The following SLC5A12 variants were observed in gnomAD, a reference collection of about 807,000 sequenced individuals.
SLC5A12 encodes the protein sodium-coupled monocarboxylate transporter 2.
SLC5A12 carries 46 observed loss-of-function variants against 72.7 expected under a neutral mutation model. That is an observed-to-expected ratio of 0.63 (90% CI 0.50 to 0.81). SLC5A12 has a LOEUF of 0.81. Ranked by LOEUF, SLC5A12 falls within the 30% of genes least tolerant of loss-of-function variation. The pLI is 0.00. For missense variants in SLC5A12, 683 were observed against 740.7 expected, an observed-to-expected ratio of 0.92 and a Z score of 0.90; for synonymous variants, 275 against 264.4, an observed-to-expected ratio of 1.04 and a Z score of -0.39.
chr11:26,683,991 T>C (rs372152615), intron 10 of SLC5A12, 148 bp from the exon 11 acceptor site: 10 of 606,970 alleles, frequency 1.6e-5, no homozygotes, highest in East Asian at 8.7e-5. Flanking sequence ...AAGTCATTTC[T>C]CAATTCTGGG....
intron 4 of SLC5A12, 122 bp downstream of exon 4, chr11:26,709,190 C>A (rs1855161663): frequency 1.1e-5 from 7 of 628,500 alleles, no homozygotes; most frequent in Non-Finnish European, 1.6e-5. Flanking sequence ...GATAAGCCGA[C>A]ATACTTCTGC....
At position 26,670,970 on chromosome 11, in the gene SLC5A12, A is replaced by G; in HGVS notation, c.*132T>C. ...CATGTAGTTATAAATAAGTAGAAAT[A>G]GGCACCAGACATCCCTGTCTTCTAG... On this transcript the variant is annotated 3_prime_UTR_variant, in exon 15 of 15. Transcript: ENST00000396005. The G allele has an allele frequency of 7.0e-6, 5 of 716,838 alleles. No individual in the cohort carries two copies. Among genetic ancestry groups the G allele is most frequent in the Non-Finnish European group, 6.4e-6 (3 of 465,954 alleles). 44.4% of individuals were successfully genotyped at this position (716,838 alleles called of 1,614,324 possible). A position where few individuals can be genotyped will look rare whatever the true frequency, so the allele number is the denominator to read the frequency against.
At chr11:26,705,875 G>T (rs909978000) in intron 4 of SLC5A12, among the ~76,000 whole-genome samples, 1 of 150,182 alleles carries the variant, frequency 6.7e-6, no homozygotes, top group Admixed American at 6.7e-5. Context: ...CCACCATGAA[G>T]ACCTGTCTGA....
chr11:26,693,520 T>C (rs1455290363), intron 8 of SLC5A12, among the ~76,000 whole-genome samples: 1 of 152,176 alleles, frequency 6.6e-6, no homozygotes, highest in Non-Finnish European at 1.5e-5. Context: ...ACCTGAACGT[T>C]GGGGTTTTCT....
At chr11:26,698,144 C>T (rs1047615967) in intron 7 of SLC5A12, among the ~76,000 whole-genome samples, 35 of 151,890 alleles carry the variant, frequency 2.3e-4, no homozygotes, top group Non-Finnish European at 1.9e-4. Context: ...GTGATCTGCC[C>T]GCCTCGGCCT....
chr11:26,703,558 G>A lies in SLC5A12; in HGVS notation c.794C>T (p.Ser265Phe). The change falls in exon 6 of 15, where the codon TCT (serine) becomes TTT (phenylalanine). Residue 265 changes from serine (S) to phenylalanine (F), a missense_variant. Ser to Phe is a radical substitution (Grantham distance 155). Transcript: ENST00000396005. Reference protein sequence around the residue: ...VNQSTIQRCISCKTEKHAKLA... With the variant: ...VNQSTIQRCIFCKTEKHAKLA... ...CTTAGCATGCTTTTCTGTTTTGCAA[G>A]AGATGCATCGCTGAATAGTTGATTG... 1 of 1,613,794 alleles carries A rather than the reference G, an allele frequency of 6.2e-7. No homozygotes were observed. The highest frequency in any genetic ancestry group is 8.5e-7 in the Non-Finnish European group (1 of 1,179,922).
At chr11:26,683,886 C>T in intron 10 of SLC5A12, 43 bp from the exon 11 acceptor site, 3 of 1,484,320 alleles carry the variant, frequency 2.0e-6, no homozygotes, top group Non-Finnish European at 2.8e-6. Flanking sequence ...TACTCAAGGG[C>T]ATCTGTGACT....
intron 12 of SLC5A12, among the ~76,000 whole-genome samples, chr11:26,680,309 ATATATATG>A (rs1167108720): frequency 8.1e-6 from 1 of 123,318 alleles, no homozygotes; most frequent in African/African-American, 3.6e-5. Flanking sequence ...ATATTCATAT[ATATATATG>A]TATATATATT....
intron 1 of SLC5A12, among the ~76,000 whole-genome samples, chr11:26,720,479 C>A (rs1855453875): frequency 6.6e-6 from 1 of 151,826 alleles, no homozygotes; most frequent in African/African-American, 2.4e-5. Flanking sequence ...ATCAATAACA[C>A]TTTTTAAGAC....
At chr11:26,717,275 TGAAGA>T (rs1188411971) in intron 1 of SLC5A12, among the ~76,000 whole-genome samples, 1 of 151,920 alleles carries the variant, frequency 6.6e-6, no homozygotes, top group African/African-American at 2.4e-5. Flanking sequence ...AATTTGAAAT[TGAAGA>T]GAAGTAAGTA....
At chr11:26,702,584 T>C (rs753682925) in intron 6 of SLC5A12, among the ~76,000 whole-genome samples, 45 of 152,108 alleles carry the variant, frequency 3.0e-4, no homozygotes, top group Non-Finnish European at 6.2e-4. Context: ...TGAAAGTGTA[T>C]ATAACTTTGG....
chr11:26,694,787 C>A (rs1854770090), intron 8 of SLC5A12, among the ~76,000 whole-genome samples: 1 of 152,124 alleles, frequency 6.6e-6, no homozygotes, highest in Non-Finnish European at 1.5e-5. Context: ...AGATAAACAT[C>A]TTTTCTAAAA....
intron 10 of SLC5A12, among the ~76,000 whole-genome samples, chr11:26,684,078 C>T (rs1854472344): frequency 6.6e-6 from 1 of 151,498 alleles, no homozygotes; most frequent in African/African-American, 2.4e-5. Context: ...GGCAGGTAAC[C>T]TGAATTTAGT....
At chr11:26,671,611 G>C (rs949331577) in intron 14 of SLC5A12, among the ~76,000 whole-genome samples, 1 of 151,996 alleles carries the variant, frequency 6.6e-6, no homozygotes, top group African/African-American at 2.4e-5. Flanking sequence ...TCCTACCTGG[G>C]AATAGGAGAG....
intron 1 of SLC5A12, among the ~76,000 whole-genome samples, chr11:26,713,078 G>A (rs1485775146): frequency 1.3e-5 from 2 of 152,008 alleles, no homozygotes; most frequent in African/African-American, 4.8e-5. Context: ...CTGGATTGCT[G>A]TTGTGGCACC....
At chr11:26,678,581 T>C in intron 13 of SLC5A12, 131 bp downstream of exon 13, 1 of 660,352 alleles carries the variant, frequency 1.5e-6, no homozygotes, top group Non-Finnish European at 2.7e-6. Context: ...GTTGAGAGAG[T>C]AGACATCTCT....
At position 26,671,059 on chromosome 11, in the gene SLC5A12, G is replaced by GTGTGTGTGTGTT; in HGVS notation, c.*42_*43insAACACACACACA. On this transcript the variant is annotated 3_prime_UTR_variant, in exon 15 of 15. Transcript: ENST00000396005. ...AAGTATGTGGAGTTTGTGTGTGTGT[G>GTGTGTGTGTGTT]TGTGTATTGCACGTGTGTGTGTGCA... is the stretch of plus-strand genomic sequence containing the variant. The GTGTGTGTGTGTT allele has an allele frequency of 6.4e-7, 1 of 1,553,672 alleles. No homozygotes were observed. The highest frequency in any genetic ancestry group is 8.8e-7 in the Non-Finnish European group (1 of 1,139,090).
chr11:26,669,189 T>TC lies in SLC5A12; in HGVS notation c.*1912_*1913insG. On this transcript the variant is annotated 3_prime_UTR_variant, in exon 15 of 15. Coordinates refer to ENST00000396005, the MANE Select transcript of SLC5A12 (RefSeq NM_178498.4). ...TCTTTTTCTTTCTTTCTTTCTTCTT[T>TC]TCTTTCTTTCTTTCTTTCTTTCTTT... 2.3e-5 allele frequency: 3 copies of TC among 131,688 alleles called. No homozygotes were observed. The highest frequency in any genetic ancestry group is 4.8e-5 in the Non-Finnish European group (3 of 62,924). The allele number at this position is 131,688 out of a possible 1,614,324, so 8.2% of individuals were successfully genotyped here.
intron 14 of SLC5A12, among the ~76,000 whole-genome samples, chr11:26,673,023 C>T (rs1029099094): frequency 3.3e-5 from 5 of 152,106 alleles, no homozygotes; most frequent in African/African-American, 1.2e-4. Flanking sequence ...GACATGGAAC[C>T]AGGATTAATC....
Sources: gnomAD v4.1 joint callset for allele counts (sites outside exome capture counted in the v4.1 genomes callset) on GRCh38, gnomAD v4.1.1 for gene constraint, MANE v1.5 for transcripts, NCBI Gene and HGNC (gene_info 2026-07-23, HGNC 2026-07-21) for gene names.